Variants in IGF1R observed in about 807,000 individuals in gnomAD.
The protein encoded by IGF1R is insulin like growth factor 1 receptor.
A neutral mutation model predicts 144.6 loss-of-function variants in IGF1R; 44 were observed. That is an observed-to-expected ratio of 0.30 (90% CI 0.24 to 0.39). The LOEUF is 0.39. Among genes scored for constraint, IGF1R ranks in the 10% least tolerant of loss-of-function variants. IGF1R has a pLI of 1.00. For synonymous variants in IGF1R, 795 were observed against 722.8 expected, an observed-to-expected ratio of 1.10 and a Z score of -1.60; for missense variants, 1,355 against 1,833.7, an observed-to-expected ratio of 0.74 and a Z score of 4.77.
chr15:98,693,995 C>T (rs2053540451), intron 1 of IGF1R, among the ~76,000 whole-genome samples: 1 of 152,202 alleles, frequency 6.6e-6, no homozygotes, highest in Admixed American at 6.5e-5. Context: ...TAATGGGAGA[C>T]ATTTCTGACT....
Position 98,958,747 on chromosome 15 carries a change from A to T in IGF1R, c.*1305A>T, listed in dbSNP as rs570747506. The T allele has an allele frequency of 1.7e-5, 4 of 232,094 alleles. No individual in the cohort carries two copies. In the East Asian group the frequency reaches 1.8e-4, roughly 11 times the overall value. The allele number at this position is 232,094 out of a possible 1,614,324, so 14.4% of individuals were successfully genotyped here. On this transcript the variant is annotated 3_prime_UTR_variant, in exon 21 of 21. Transcript: ENST00000650285. The stretch of plus-strand genomic sequence containing the variant: ...TTTTGTTCTTGATCTTTGTGGATTT[A>T]ATCTATGAAAACCTTCAGGTCCACC...
intron 2 of IGF1R, among the ~76,000 whole-genome samples, chr15:98,781,707 T>G (rs1429587464): frequency 6.6e-6 from 1 of 152,206 alleles, no homozygotes; most frequent in Non-Finnish European, 1.5e-5. Flanking sequence ...CCTTGCATAT[T>G]TTGTACCTCT....
chr15:98,805,503 GGTGTGTGTGT>G (rs58675410), intron 2 of IGF1R, among the ~76,000 whole-genome samples: 89 of 150,164 alleles, frequency 5.9e-4, no homozygotes, highest in African/African-American at 2.1e-3. Context: ...GTGTGTGTAT[GGTGTGTGTGT>G]GTGTGTGTGA....
chr15:98,761,634 C>CT (rs2055297928), intron 2 of IGF1R, among the ~76,000 whole-genome samples: 1 of 152,226 alleles, frequency 6.6e-6, no homozygotes, highest in African/African-American at 2.4e-5. Context: ...GAACTTGCCC[C>CT]TTTCCACTGA....
chr15:98,709,987 G>A (rs537408745), intron 2 of IGF1R, among the ~76,000 whole-genome samples: 69 of 152,294 alleles, frequency 4.5e-4, no homozygotes, highest in Non-Finnish European at 6.0e-4. Flanking sequence ...TAAGAGTGGC[G>A]ACTAGAAATG....
intron 2 of IGF1R, among the ~76,000 whole-genome samples, chr15:98,841,343 C>G (rs1280964899): frequency 2.6e-5 from 4 of 152,212 alleles, no homozygotes; most frequent in East Asian, 1.9e-4. Flanking sequence ...CTTAACCTCT[C>G]TATGCCTCAA....
rs544173065 is a variant in IGF1R, at chr15:98,754,840, T to C, written c.640+46733T>C. On this transcript the variant is annotated intron_variant, in intron 2 of 20. Coordinates refer to ENST00000650285, the MANE Select transcript of IGF1R (RefSeq NM_000875.5). ...CAGAGGCTCCTAGAGACTAAAGAACTTGCTACTCAATGAGGTCAGGATTCA... is the reference window on the plus strand; with the variant it reads ...CAGAGGCTCCTAGAGACTAAAGAACCTGCTACTCAATGAGGTCAGGATTCA... Among the ~76,000 whole-genome samples, 106 of 152,286 alleles carry C rather than the reference T, an allele frequency of 7.0e-4. 1 individual carries two copies. Among genetic ancestry groups the C allele is most frequent in the African/African-American group, 2.5e-3 (103 of 41,558 alleles).
chr15:98,856,126 G>C (rs1343167651), intron 2 of IGF1R, among the ~76,000 whole-genome samples: 1 of 152,222 alleles, frequency 6.6e-6, no homozygotes, highest in Admixed American at 6.5e-5. Context: ...AAGCCATTAG[G>C]ACTGCTGAGT....
At chr15:98,849,659 A>C (rs1462987417) in intron 2 of IGF1R, among the ~76,000 whole-genome samples, 1 of 152,374 alleles carries the variant, frequency 6.6e-6, no homozygotes, top group African/African-American at 2.4e-5. Context: ...TCTATCACAA[A>C]GAGCTAATCT....
chr15:98,932,195 AAAAC>A (rs1416671983), intron 15 of IGF1R, among the ~76,000 whole-genome samples: 1 of 152,216 alleles, frequency 6.6e-6, no homozygotes, highest in Non-Finnish European at 1.5e-5. Context: ...CATTACAACA[AAAAC>A]AAACTTATTG....
At chr15:98,679,972 A>G (rs1271817921) in intron 1 of IGF1R, among the ~76,000 whole-genome samples, 1 of 152,144 alleles carries the variant, frequency 6.6e-6, no homozygotes, top group African/African-American at 2.4e-5. Context: ...TAAAAATAGA[A>G]AAAAGCTTAT....
At chr15:98,700,891 C>G (rs1162959236) in intron 1 of IGF1R, among the ~76,000 whole-genome samples, 1 of 152,060 alleles carries the variant, frequency 6.6e-6, no homozygotes, top group Non-Finnish European at 1.5e-5. Flanking sequence ...TTTATGTTCC[C>G]AGGGTTCTGT....
chr15:98,852,789 A>G (rs916211283), intron 2 of IGF1R, among the ~76,000 whole-genome samples: 3 of 152,108 alleles, frequency 2.0e-5, no homozygotes, highest in Non-Finnish European at 4.4e-5. Context: ...CACCGTGGCC[A>G]TTACGGGCTG....
intron 2 of IGF1R, among the ~76,000 whole-genome samples, chr15:98,875,943 A>C (rs1228602092): frequency 1.3e-5 from 2 of 152,180 alleles, no homozygotes; most frequent in Non-Finnish European, 2.9e-5. Flanking sequence ...TTTCCACGCT[A>C]CTTTTTAGTA....
At chr15:98,916,499 T>C in intron 9 of IGF1R, 173 bp from the exon 10 acceptor site, 1 of 680,682 alleles carries the variant, frequency 1.5e-6, no homozygotes, top group Admixed American at 2.2e-5. Flanking sequence ...TAACCTCAGG[T>C]GATTTGCCCG....
In IGF1R at chr15:98,884,252, A is replaced by G. The variant is rs556722626; in HGVS notation, c.641-7073A>G. On this transcript the variant is annotated intron_variant, in intron 2 of 20. Transcript: ENST00000650285. ...CCAACCCACAGTCCCTTCTCCATCC[A>G]TCTGCTGACCACACCCCAGGATGTT... Among the ~76,000 whole-genome samples the G allele has an allele frequency of 4.6e-5, 7 of 152,200 alleles. No homozygotes were observed. In the East Asian group the frequency reaches 1.4e-3, roughly 29 times the overall value.
intron 2 of IGF1R, among the ~76,000 whole-genome samples, chr15:98,793,738 C>G (rs897694857): frequency 6.6e-6 from 1 of 152,172 alleles, no homozygotes; most frequent in Non-Finnish European, 1.5e-5. Context: ...ACTGTTTTGA[C>G]ATGAATCTAT....
chr15:98,824,939 C>T (rs1454776617), intron 2 of IGF1R, among the ~76,000 whole-genome samples: 3 of 151,848 alleles, frequency 2.0e-5, no homozygotes, highest in Non-Finnish European at 4.4e-5. Flanking sequence ...CGGGTTCAAG[C>T]GATTCTCCTG....
intron 19 of IGF1R, among the ~76,000 whole-genome samples, chr15:98,948,360 C>T (rs966301172): frequency 1.3e-5 from 2 of 152,188 alleles, no homozygotes; most frequent in South Asian, 2.1e-4. Flanking sequence ...GCTCCACCAC[C>T]GGGGCTGAAT....
Sources: gnomAD v4.1 joint callset for allele counts (sites outside exome capture counted in the v4.1 genomes callset) on GRCh38, gnomAD v4.1.1 for gene constraint, MANE v1.5 for transcripts, NCBI Gene and HGNC (gene_info 2026-07-23, HGNC 2026-07-21) for gene names.